The following TRIQK variants were observed in gnomAD, a reference collection of about 807,000 sequenced individuals.
TRIQK encodes triple QxxK/R motif-containing protein.
In TRIQK, 10 loss-of-function variants were observed where a neutral mutation model predicts 10.8. The observed-to-expected ratio is 0.92, with a 90% CI of 0.57 to 1.57. The LOEUF (loss-of-function observed/expected upper bound fraction) is 1.57, where lower values mean the gene tolerates loss of function less well. Ranked by LOEUF, TRIQK falls within the 40% of genes most tolerant of loss-of-function variation. The pLI is 0.00. For synonymous variants in TRIQK, 33 were observed against 33.7 expected (o/e 0.98, Z 0.07); for missense variants, 107 against 97.7 (o/e 1.09, Z -0.40).
chr8:92,937,877 G>T (rs1157408886), intron 2 of TRIQK, among the ~76,000 whole-genome samples: 2 of 151,630 alleles, frequency 1.3e-5, no homozygotes, highest in Admixed American at 6.6e-5. Context: ...TAATATTTTT[G>T]CAGTAAAGAG....
At chr8:92,953,922 T>C (rs1467492170) in intron 2 of TRIQK, 2 of 151,852 alleles carry the variant, frequency 1.3e-5, no homozygotes, top group African/African-American at 2.4e-5. Flanking sequence ...CCACAATACA[T>C]AAGAAAAATG....
At chr8:92,942,309 A>T (rs1357923118) in intron 2 of TRIQK, among the ~76,000 whole-genome samples, 1 of 152,208 alleles carries the variant, frequency 6.6e-6, no homozygotes, top group East Asian at 1.9e-4. Context: ...TGATCTTTTC[A>T]GCAGATGCAG....
chr8:92,986,016 T>TA (rs1426516073), intron 1 of TRIQK, among the ~76,000 whole-genome samples: 1 of 152,180 alleles, frequency 6.6e-6, no homozygotes, highest in Non-Finnish European at 1.5e-5. Context: ...TTTTTCCCTA[T>TA]ATATTAATTA....
chr8:92,893,048 G>A (rs1031100514), intron 3 of TRIQK, among the ~76,000 whole-genome samples: 4 of 151,120 alleles, frequency 2.6e-5, no homozygotes, highest in Admixed American at 1.3e-4. Context: ...CCTTCCTTTC[G>A]ATGACCAGTT....
chr8:92,937,172 T>C (rs1811033158), intron 2 of TRIQK, among the ~76,000 whole-genome samples: 1 of 151,876 alleles, frequency 6.6e-6, no homozygotes, highest in Non-Finnish European at 1.5e-5. Flanking sequence ...ACATAATTTA[T>C]TCATAAGTGA....
intron 1 of TRIQK, among the ~76,000 whole-genome samples, chr8:92,980,155 A>G (rs1435622652): frequency 6.6e-6 from 1 of 152,062 alleles, no homozygotes; most frequent in African/African-American, 2.4e-5. Context: ...TTTATTACTA[A>G]TGAGTATTTA....
At chr8:92,974,686 C>T (rs1420266683) in intron 1 of TRIQK, 1 of 152,244 alleles carries the variant, frequency 6.6e-6, no homozygotes, top group East Asian at 1.9e-4. Context: ...GACTGTAATC[C>T]AGGCTTTCCT....
intron 2 of TRIQK, among the ~76,000 whole-genome samples, chr8:92,921,167 T>C (rs1436875919): frequency 2.0e-5 from 3 of 151,668 alleles, no homozygotes; most frequent in Non-Finnish European, 3.0e-5. Context: ...TTTGTGATGC[T>C]GGGGAGGAGT....
At chr8:92,982,049 A>G (rs1812991674) in intron 1 of TRIQK, among the ~76,000 whole-genome samples, 1 of 151,878 alleles carries the variant, frequency 6.6e-6, no homozygotes, top group Admixed American at 6.6e-5. Context: ...ACAATTCAAT[A>G]AAGCCTTATT....
chr8:92,906,898 GAA>G (rs562924059), intron 3 of TRIQK, among the ~76,000 whole-genome samples: 108 of 130,814 alleles, frequency 8.3e-4, no homozygotes, highest in African/African-American at 2.9e-3. Context: ...GTCTCAAAAA[GAA>G]AAAAAAAAAA....
At chr8:92,948,705 T>C (rs544158917) in intron 2 of TRIQK, among the ~76,000 whole-genome samples, 3 of 152,230 alleles carry the variant, frequency 2.0e-5, no homozygotes, top group Non-Finnish European at 4.4e-5. Context: ...TGTCTGCACA[T>C]AGTATATACT....
chr8:92,976,421 T>G (rs1304256504), intron 1 of TRIQK, among the ~76,000 whole-genome samples: 1 of 152,030 alleles, frequency 6.6e-6, no homozygotes, highest in African/African-American at 2.4e-5. Context: ...TTCTTTGCTC[T>G]GAAATCTACT....
At chr8:93,011,938 G>A (rs1331157301) in intron 1 of TRIQK, among the ~76,000 whole-genome samples, 3 of 152,178 alleles carry the variant, frequency 2.0e-5, no homozygotes, top group Non-Finnish European at 4.4e-5. Flanking sequence ...AACCAAGATA[G>A]ATGCAGATGT....
At chr8:93,001,754 C>A (rs1314648152) in intron 1 of TRIQK, among the ~76,000 whole-genome samples, 2 of 152,156 alleles carry the variant, frequency 1.3e-5, no homozygotes, top group African/African-American at 4.8e-5. Context: ...AATAAAGAAA[C>A]ATTGAATTTA....
intron 3 of TRIQK, among the ~76,000 whole-genome samples, chr8:92,911,093 G>A (rs1435331526): frequency 2.6e-5 from 4 of 150,998 alleles, no homozygotes; most frequent in South Asian, 2.1e-4. Context: ...AAACACTGTC[G>A]GTACAAGAAA....
At chr8:92,897,751 C>A (rs571961593) in intron 3 of TRIQK, among the ~76,000 whole-genome samples, 1 of 152,190 alleles carries the variant, frequency 6.6e-6, no homozygotes. Flanking sequence ...ACCACTAAGT[C>A]TCTTAATTTT....
At chr8:92,956,748 T>C (rs1471613748) in intron 1 of TRIQK, among the ~76,000 whole-genome samples, 1 of 151,960 alleles carries the variant, frequency 6.6e-6, no homozygotes, top group South Asian at 2.1e-4. Flanking sequence ...GCCATTTAAT[T>C]ACATAAATAG....
intron 2 of TRIQK, among the ~76,000 whole-genome samples, chr8:92,950,275 T>C (rs1409699840): frequency 1.3e-5 from 2 of 152,100 alleles, no homozygotes; most frequent in Non-Finnish European, 2.9e-5. Context: ...TTCAAAATGG[T>C]TCCTTTTCCC....
chr8:92,919,768 G>A (rs919034885), intron 2 of TRIQK, among the ~76,000 whole-genome samples: 2 of 151,620 alleles, frequency 1.3e-5, no homozygotes, highest in Admixed American at 6.6e-5. Flanking sequence ...TCAGGTCCTG[G>A]ACTTTTCTTT....
Sources: allele counts gnomAD v4.1 joint callset (sites outside exome capture counted in the v4.1 genomes callset), GRCh38; gene constraint gnomAD v4.1.1; transcripts MANE v1.5; gene names NCBI Gene and HGNC (gene_info 2026-07-23, HGNC 2026-07-21).